Variants in CACNA1E observed in about 807,000 individuals in gnomAD.
CACNA1E encodes the protein voltage-dependent R-type calcium channel subunit alpha-1E.
CACNA1E carries 40 observed loss-of-function variants against 259.2 expected under a neutral mutation model. That is an observed-to-expected ratio of 0.15 (90% CI 0.12 to 0.20). The LOEUF (loss-of-function observed/expected upper bound fraction) is 0.20. Among genes scored for constraint, CACNA1E ranks in the 10% least tolerant of loss-of-function variants. The probability of loss-of-function intolerance (pLI) is 1.00; values close to 1 mark genes in which losing one functional copy is unlikely to be tolerated. For missense variants in CACNA1E, 1,874 were observed against 3,040.1 expected, an observed-to-expected ratio of 0.62 and a Z score of 9.02; for synonymous variants, 1,104 against 1,138.5, an observed-to-expected ratio of 0.97 and a Z score of 0.61.
At chr1:181,785,191 A>G in intron 41 of CACNA1E, 127 bp from the exon 42 acceptor site, 1 of 675,460 alleles carries the variant, frequency 1.5e-6, no homozygotes, top group South Asian at 1.7e-5. Context: ...CCCTCAATAT[A>G]CATTGGATGA....
At position 181,577,778 on chromosome 1, in the gene CACNA1E, T is replaced by C; in HGVS notation, c.525T>C (p.Thr175=). The C allele has an allele frequency of 6.2e-7, 1 of 1,607,660 alleles. No individual in the cohort carries two copies. The highest frequency in any genetic ancestry group is 2.2e-5 in the East Asian group (1 of 44,682). The part of the protein sequence containing the change: ...FIVVLSGILA[T]AGTHFNTHVD... ...TCTCTGTCTGCAGCATCCTGGCCAC[T>C]GCAGGAACCCACTTCAATACTCACG... The change falls in exon 4 of 48, where the codon ACT becomes ACC. Residue 175 remains threonine, a synonymous_variant. Transcript: ENST00000367573.
In CACNA1E at chr1:181,444,292, G is replaced by A. The variant is rs1660672494; in HGVS notation, c.434+30712G>A. On this transcript the variant is annotated intron_variant, in intron 2 of 11. Coordinates refer to the CACNA1E transcript ENST00000524607. The stretch of plus-strand genomic sequence containing the variant: ...CTGACCAAAGCATTCACTCAACAGA[G>A]TAGGTGTCCTCCAAGGCTAAGGTGG... Among the ~76,000 whole-genome samples, 5 of 151,286 alleles carry A rather than the reference G, an allele frequency of 3.3e-5. No homozygotes were observed. The South Asian group carries it at 1.0e-3, about 32-fold the overall frequency.
chr1:181,698,385 C>A (rs898136007), intron 7 of CACNA1E, among the ~76,000 whole-genome samples: 1 of 152,184 alleles, frequency 6.6e-6, no homozygotes, highest in African/African-American at 2.4e-5. Flanking sequence ...CCATACTAGG[C>A]GCCATGACTG....
Position 181,510,509 on chromosome 1 carries a change from T to C in CACNA1E, c.299T>C (p.Ile100Thr), listed in dbSNP as rs750143200. The C allele has an allele frequency of 2.5e-6, 4 of 1,613,974 alleles. No homozygotes were observed. The highest frequency in any genetic ancestry group is 3.4e-6 in the Non-Finnish European group (4 of 1,179,844). The part of the protein sequence containing the change: ...PFEYMILATI[I>T]ANCIVLALEQ... ...GAGTACATGATCCTGGCCACCATCATTGCCAACTGCATCGTCCTGGCCCTG... is the reference window on the plus strand; with the variant it reads ...GAGTACATGATCCTGGCCACCATCACTGCCAACTGCATCGTCCTGGCCCTG... Residue 100 changes from isoleucine (I) to threonine (T), a missense_variant, in exon 2 of 48, where the codon ATT (isoleucine) becomes ACT (threonine). By Grantham distance (89) the Ile-to-Thr change is moderately conservative (BLOSUM62 -1). Around this residue, in one of 14 missense-constraint regions of CACNA1E, gnomAD observed 55 missense variants for 156.5 expected, o/e 0.35. Transcript: ENST00000367573.
At chr1:181,539,386 T>TGAA (rs1346238998) in intron 3 of CACNA1E, among the ~76,000 whole-genome samples, 24 of 152,040 alleles carry the variant, frequency 1.6e-4, no homozygotes, top group East Asian at 1.5e-3. Context: ...AACAAGCTAA[T>TGAA]TAATGAATTA....
chr1:181,471,632 T>C (rs553833984), intron 2 of CACNA1E, among the ~76,000 whole-genome samples: 6 of 152,210 alleles, frequency 3.9e-5, no homozygotes, highest in Admixed American at 6.5e-5. Flanking sequence ...ATGTAATTAA[T>C]TTGAAGAAAA....
intron 2 of CACNA1E, among the ~76,000 whole-genome samples, chr1:181,416,155 C>T (rs766146662): frequency 2.6e-5 from 4 of 152,182 alleles, no homozygotes; most frequent in East Asian, 1.9e-4. Context: ...CCTCACAGGT[C>T]GCATGTGAAA....
Position 181,733,714 on chromosome 1 carries a change from G to A in CACNA1E, c.3226G>A (p.Asp1076Asn), listed in dbSNP as rs945186367. 7.0e-6 allele frequency: 11 copies of A among 1,581,670 alleles called. No individual in the cohort carries two copies. The highest frequency in any genetic ancestry group is 1.2e-5 in the South Asian group (1 of 86,036). ...ESTSVTVAIP[D>N]VDPLVDSTVV... ...CACCAGCGTCACCGTCGCCATCCCCGACGTGGACCCCTTGGTGGACTCAAC... is the reference window on the plus strand; with the variant it reads ...CACCAGCGTCACCGTCGCCATCCCCAACGTGGACCCCTTGGTGGACTCAAC... Residue 1076 changes from aspartate (D) to asparagine (N), a missense_variant, in exon 21 of 48, where the codon GAC becomes AAC. Coordinates refer to ENST00000367573, the MANE Select transcript of CACNA1E (RefSeq NM_001205293.3).
chr1:181,550,385 G>A (rs10910955), intron 3 of CACNA1E, among the ~76,000 whole-genome samples: 62,937 of 151,892 alleles, frequency 0.41, 14,418 homozygotes, highest in Non-Finnish European at 0.5. Flanking sequence ...GGTCTGTGTG[G>A]ACACCTCGAT....
chr1:181,505,279 A>C (rs1665609562), intron 1 of CACNA1E, among the ~76,000 whole-genome samples: 1 of 152,204 alleles, frequency 6.6e-6, no homozygotes, highest in African/African-American at 2.4e-5. Context: ...AGAGGAGTAA[A>C]GAAGAAAGTG....
At chr1:181,518,188 T>C (rs1201702130) in intron 3 of CACNA1E, among the ~76,000 whole-genome samples, 3 of 152,250 alleles carry the variant, frequency 2.0e-5, no homozygotes, top group African/African-American at 7.2e-5. Flanking sequence ...GCTGAGCTGC[T>C]AGATGAACAG....
At chr1:181,603,666 A>G (rs1466462584) in intron 6 of CACNA1E, among the ~76,000 whole-genome samples, 1 of 151,976 alleles carries the variant, frequency 6.6e-6, no homozygotes, top group Non-Finnish European at 1.5e-5. Flanking sequence ...CTCTTAGATG[A>G]AAGTCCTAGA....
At chr1:181,498,356 C>T (rs1186496835) in intron 1 of CACNA1E, among the ~76,000 whole-genome samples, 3 of 152,220 alleles carry the variant, frequency 2.0e-5, no homozygotes, top group African/African-American at 7.2e-5. Flanking sequence ...AAGATTCTAG[C>T]TTTTCTTTAA....
chr1:181,600,302 G>A (rs1037742476), intron 6 of CACNA1E, among the ~76,000 whole-genome samples: 23 of 152,206 alleles, frequency 1.5e-4, no homozygotes, highest in African/African-American at 5.3e-4. Flanking sequence ...GTTGGGCCTC[G>A]TTGACTGTGA....
chr1:181,693,480 A>AATACATCCAT (rs1367905893), intron 7 of CACNA1E, among the ~76,000 whole-genome samples: 1 of 152,240 alleles, frequency 6.6e-6, no homozygotes, highest in East Asian at 1.9e-4. Flanking sequence ...ATCCATAAAA[A>AATACATCCAT]GGAATGACAT....
At chr1:181,682,319 A>C (rs1293321504) in intron 7 of CACNA1E, among the ~76,000 whole-genome samples, 3 of 152,190 alleles carry the variant, frequency 2.0e-5, no homozygotes, top group Non-Finnish European at 4.4e-5. Context: ...ACTTGATGAT[A>C]AAAACTGACC....
chr1:181,534,862 T>C (rs1328746210), intron 3 of CACNA1E, among the ~76,000 whole-genome samples: 1 of 152,168 alleles, frequency 6.6e-6, no homozygotes, highest in African/African-American at 2.4e-5. Flanking sequence ...ACTTATTTTT[T>C]AAAAGTCAGA....
At chr1:181,586,938 AATT>A (rs140624989) in intron 6 of CACNA1E, among the ~76,000 whole-genome samples, 3,071 of 152,244 alleles carry the variant, frequency 0.02, 36 homozygotes, top group Non-Finnish European at 0.032. Context: ...TTGAGATAAA[AATT>A]ATTGTTGATG....
intron 7 of CACNA1E, among the ~76,000 whole-genome samples, chr1:181,687,169 G>A (rs1282381252): frequency 6.6e-6 from 1 of 152,150 alleles, no homozygotes. Flanking sequence ...GATGGGAGCC[G>A]AGACCCTGGA....
Sources: gnomAD v4.1 joint callset for allele counts (sites outside exome capture counted in the v4.1 genomes callset) on GRCh38, gnomAD v4.1.1 for gene constraint, gnomAD v4.1.1 regional missense constraint, MANE v1.5 for transcripts, NCBI Gene and HGNC (gene_info 2026-07-23, HGNC 2026-07-21) for gene names.